The following TCF7L2 variants were observed in gnomAD, a reference collection of about 807,000 sequenced individuals.
TCF7L2 encodes the protein transcription factor 7 like 2.
In TCF7L2, 23 loss-of-function variants were observed where a neutral mutation model predicts 77.9. That is an observed-to-expected ratio of 0.30 (90% CI 0.21 to 0.42). The LOEUF is 0.42. Ranked by LOEUF, TCF7L2 falls within the 10% of genes least tolerant of loss-of-function variation. The pLI is 1.00. For synonymous variants in TCF7L2, 413 were observed against 340.2 expected (o/e 1.21, Z -2.36); for missense variants, 654 against 793.1 (o/e 0.82, Z 2.11).
At chr10:113,044,500 C>T (rs1259038096) in intron 5 of TCF7L2, among the ~76,000 whole-genome samples, 1 of 152,216 alleles carries the variant, frequency 6.6e-6, no homozygotes, top group Non-Finnish European at 1.5e-5. Context: ...TGTTGGGAGG[C>T]TCTGTGCTGC....
intron 5 of TCF7L2, among the ~76,000 whole-genome samples, chr10:113,075,372 TCG>T (rs1361632203): frequency 1.3e-5 from 2 of 151,874 alleles, no homozygotes; most frequent in African/African-American, 4.8e-5. Flanking sequence ...GGCAGGAGAA[TCG>T]CTTGAACCTG....
chr10:112,988,460 A>G (rs1194894554), intron 4 of TCF7L2, among the ~76,000 whole-genome samples: 1 of 151,986 alleles, frequency 6.6e-6, no homozygotes, highest in African/African-American at 2.4e-5. Context: ...CGTCCTTTTT[A>G]TCTTTCTTCC....
rs1477073663 is a variant in TCF7L2 at position 112,966,184 on chromosome 10, T to TTATATATATTTA, written c.450+1569_450+1570insTTATATATATAT. 1.8e-3 allele frequency among the ~76,000 whole-genome samples: 201 copies of TTATATATATTTA among 114,214 alleles called. 5 individuals are homozygous for TTATATATATTTA. Among genetic ancestry groups the TTATATATATTTA allele is most frequent in the East Asian group, 0.016 (67 of 4,274 alleles). 74.9% of individuals were successfully genotyped at this position (114,214 alleles called of 152,430 possible). Reference sequence around the variant, plus strand: ...GAGTGAGACTCTGTCTAAAATATATTTATATATATATATATATATATATAT... The same window carrying TTATATATATTTA: ...GAGTGAGACTCTGTCTAAAATATATTTATATATATTTATATATATATATATATATATATATAT... On this transcript the variant is annotated intron_variant, in intron 4 of 13. Transcript: ENST00000627217.
At chr10:112,986,254 T>C (rs1038020870) in intron 4 of TCF7L2, among the ~76,000 whole-genome samples, 3 of 152,114 alleles carry the variant, frequency 2.0e-5, no homozygotes, top group African/African-American at 7.2e-5. Flanking sequence ...AGTCAGTAGA[T>C]GTTTCTCGGG....
chr10:112,964,739 A>ATGATGGTGG lies in TCF7L2; in HGVS notation c.450+117_450+118insATGGTGGTG, dbSNP rs1227924366. On this transcript the variant is annotated intron_variant, in intron 4 of 13. Coordinates refer to ENST00000627217, the MANE Select transcript of TCF7L2 (RefSeq NM_001146274.2). ...AATGATGATGATGATGATGATGATG[A>ATGATGGTGG]TGGTGGTGGTGGTGGTGGTGATGGT... 3,462 of 577,292 alleles carry ATGATGGTGG rather than the reference A, an allele frequency of 6.0e-3. 112 individuals are homozygous for ATGATGGTGG. In the African/African-American group the frequency reaches 0.07, roughly 12 times the overall value. The allele number at this position is 577,292 out of a possible 1,614,324, so 35.8% of individuals were successfully genotyped here. A position where few individuals can be genotyped will look rare whatever the true frequency, so the allele number is the denominator to read the frequency against.
At chr10:113,044,347 G>T (rs2053045402) in intron 5 of TCF7L2, among the ~76,000 whole-genome samples, 1 of 152,234 alleles carries the variant, frequency 6.6e-6, no homozygotes, top group Admixed American at 6.5e-5. Flanking sequence ...TTTGCTTTTT[G>T]TTTCTGAAGA....
At chr10:113,090,641 C>T (rs1457918045) in intron 5 of TCF7L2, among the ~76,000 whole-genome samples, 5 of 152,178 alleles carry the variant, frequency 3.3e-5, no homozygotes, top group Non-Finnish European at 5.9e-5. Context: ...GATAGAGTCT[C>T]GCTCTGTTGC....
intron 11 of TCF7L2, among the ~76,000 whole-genome samples, chr10:113,155,257 C>A (rs1195646501): frequency 1.3e-5 from 2 of 152,078 alleles, no homozygotes; most frequent in African/African-American, 2.4e-5. Context: ...TAATATGTAA[C>A]CCCTGGGATT....
intron 4 of TCF7L2, among the ~76,000 whole-genome samples, chr10:112,973,544 C>T (rs2038745932): frequency 6.6e-6 from 1 of 152,098 alleles, no homozygotes; most frequent in African/African-American, 2.4e-5. Context: ...CACACAGTCA[C>T]ACTAGAGAAC....
chr10:113,060,574 AG>A lies in TCF7L2; in HGVS notation c.552+20450del, dbSNP rs1339085919. On this transcript the variant is annotated intron_variant, in intron 5 of 13. Transcript: ENST00000627217. ...CTTTCTCTCCAAGCGAGGGGTTTGCAGGCAGCTAAAGTCAGCTTCGGCTTCT... is the reference window on the plus strand; with the variant it reads ...CTTTCTCTCCAAGCGAGGGGTTTGCAGCAGCTAAAGTCAGCTTCGGCTTCT... 2.0e-5 allele frequency among the ~76,000 whole-genome samples: 3 copies of A among 152,098 alleles called. No homozygotes were observed. The East Asian group carries it at 5.8e-4, about 29-fold the overall frequency.
At chr10:112,976,250 C>T (rs1248208203) in intron 4 of TCF7L2, among the ~76,000 whole-genome samples, 4 of 152,178 alleles carry the variant, frequency 2.6e-5, no homozygotes, top group African/African-American at 4.8e-5. Context: ...TTATGAAGTA[C>T]TTGTTTGCAC....
In TCF7L2 at chr10:112,950,941, C is replaced by G. The variant is rs1331321988; in HGVS notation, c.185C>G (p.Ser62Cys). 1 of 1,609,230 alleles carries G rather than the reference C, an allele frequency of 6.2e-7. No individual in the cohort carries two copies. Residue 62 changes from serine to cysteine, a missense_variant, in exon 1 of 14, where the codon TCC becomes TGC. By Grantham distance (112) the Ser-to-Cys change is moderately radical. Coordinates refer to ENST00000627217, the MANE Select transcript of TCF7L2 (RefSeq NM_001146274.2). ...ACGAATCAAAACAGCTCCTCCGATT[C>G]CGAGGTAGGAAAAGCCCCTCGGGCT...
At chr10:112,964,657 T>G (rs767178254) in intron 4 of TCF7L2, 33 bp downstream of exon 4, 1 of 1,584,334 alleles carries the variant, frequency 6.3e-7, no homozygotes, top group Non-Finnish European at 8.7e-7. Context: ...AAGCTTGAAT[T>G]GTCTATATGT....
intron 5 of TCF7L2, among the ~76,000 whole-genome samples, chr10:113,123,137 A>G (rs1184245064): frequency 6.6e-6 from 1 of 152,158 alleles, no homozygotes; most frequent in Non-Finnish European, 1.5e-5. Flanking sequence ...CATTTCATCA[A>G]GTTCACTGGT....
intron 11 of TCF7L2, 25 bp downstream of exon 11, chr10:113,152,465 T>C (rs1339699451): frequency 2.5e-6 from 4 of 1,581,598 alleles, no homozygotes; most frequent in African/African-American, 1.3e-5. Context: ...TTCGTTAGGA[T>C]TGGAGTCTGT....
At chr10:113,128,845 A>G (rs2066086848) in intron 5 of TCF7L2, among the ~76,000 whole-genome samples, 1 of 152,034 alleles carries the variant, frequency 6.6e-6, no homozygotes, top group Non-Finnish European at 1.5e-5. Context: ...ACACAAATGT[A>G]CCCGGCCCTG....
intron 5 of TCF7L2, among the ~76,000 whole-genome samples, chr10:113,100,194 A>G (rs1017147061): frequency 6.6e-6 from 1 of 152,236 alleles, no homozygotes; most frequent in Admixed American, 6.5e-5. Context: ...ACCACACACT[A>G]TAAACAAAGC....
intron 5 of TCF7L2, among the ~76,000 whole-genome samples, chr10:113,066,069 A>C (rs1208299326): frequency 6.6e-6 from 1 of 152,182 alleles, no homozygotes; most frequent in African/African-American, 2.4e-5. Context: ...ATCAGTTGTA[A>C]GATATGCTTA....
chr10:113,052,201 C>T (rs2054592545), intron 5 of TCF7L2, among the ~76,000 whole-genome samples: 2 of 152,108 alleles, frequency 1.3e-5, no homozygotes, highest in Admixed American at 1.3e-4. Context: ...GGACTCTGAG[C>T]CGAGTGCAGG....
Sources: gnomAD v4.1 joint callset for allele counts (sites outside exome capture counted in the v4.1 genomes callset) on GRCh38, gnomAD v4.1.1 for gene constraint, MANE v1.5 for transcripts, NCBI Gene and HGNC (gene_info 2026-07-23, HGNC 2026-07-21) for gene names.